RYR2: variants seen among roughly 807,000 people sequenced by gnomAD.
RYR2 encodes the protein cardiac muscle ryanodine receptor-calcium release channel.
RYR2 carries 227 observed loss-of-function variants against 601.1 expected under a neutral mutation model. The ratio of observed to expected loss-of-function variants is 0.38; its 90% confidence interval spans 0.34 to 0.42. RYR2 has a LOEUF of 0.42. Among genes scored for constraint, RYR2 ranks in the 10% least tolerant of loss-of-function variants. The probability of loss-of-function intolerance (pLI) is 1.00; values close to 1 mark genes in which losing one functional copy is unlikely to be tolerated. For synonymous variants in RYR2, 2,223 were observed against 2,175.1 expected, an observed-to-expected ratio of 1.02 and a Z score of -0.61; for missense variants, 4,646 against 6,156.5, an observed-to-expected ratio of 0.75 and a Z score of 8.21.
chr1:237,202,980 C>T (rs1390191009), intron 1 of RYR2, among the ~76,000 whole-genome samples: 1 of 152,146 alleles, frequency 6.6e-6, no homozygotes, highest in Non-Finnish European at 1.5e-5. Flanking sequence ...GAAAAGATAA[C>T]CTGTTTGCCA....
intron 74 of RYR2, among the ~76,000 whole-genome samples, chr1:237,723,941 A>C (rs1689969324): frequency 6.6e-6 from 1 of 151,990 alleles, no homozygotes; most frequent in Non-Finnish European, 1.5e-5. Context: ...TTTACAGAAG[A>C]GATCATCTGG....
At chr1:237,770,981 C>A in intron 85 of RYR2, 94 bp downstream of exon 85, 1 of 665,210 alleles carries the variant, frequency 1.5e-6, no homozygotes, top group Non-Finnish European at 2.5e-6. Context: ...AATTATGCAT[C>A]GTTCTAGAGA....
chr1:237,118,664 G>T (rs1004969226), intron 1 of RYR2, among the ~76,000 whole-genome samples: 1 of 151,992 alleles, frequency 6.6e-6, no homozygotes, highest in Admixed American at 6.6e-5. Context: ...GAGTGCAGTG[G>T]CATGATTTGG....
Position 237,445,381 on chromosome 1 carries a change from T to G in RYR2, c.1171-20T>G. ...AAAAGAGACGTTGGGAGTAATGGCC[T>G]TATTTTTGCTTTCTTACAGGCTATT... On this transcript the variant is annotated intron_variant, in intron 13 of 104. Transcript: ENST00000366574. The G allele has an allele frequency of 1.2e-6, 2 of 1,612,530 alleles. No individual in the cohort carries two copies. The highest frequency in any genetic ancestry group is 1.7e-6 in the Non-Finnish European group (2 of 1,179,064).
intron 3 of RYR2, among the ~76,000 whole-genome samples, chr1:237,353,982 T>G (rs1558671804): frequency 6.6e-6 from 1 of 152,234 alleles, no homozygotes; most frequent in Non-Finnish European, 1.5e-5. Context: ...TTGCAGGAAT[T>G]TAAATGATTC....
chr1:237,048,653 G>A (rs970112856), intron 1 of RYR2, among the ~76,000 whole-genome samples: 1 of 151,982 alleles, frequency 6.6e-6, no homozygotes, highest in Admixed American at 6.5e-5. Flanking sequence ...ACCTTTCTCC[G>A]ACCATTTATC....
chr1:237,769,664 C>G (rs1414751499), intron 84 of RYR2, among the ~76,000 whole-genome samples: 1 of 151,818 alleles, frequency 6.6e-6, no homozygotes, highest in African/African-American at 2.4e-5. Context: ...CATAATTTCA[C>G]TTAAAGTAAA....
In RYR2 at chr1:237,809,040, G is replaced by C. The variant is rs753881978; in HGVS notation, c.14433+5G>C. ...AAATGTGACGATATGCTAACAGTAA[G>C]TTCATAACCTTTGATCTCACATAAA... On this transcript the variant is annotated splice_donor_5th_base_variant and intron_variant, in intron 100 of 104. Coordinates refer to ENST00000366574, the MANE Select transcript of RYR2 (RefSeq NM_001035.3). 1 of 1,611,610 alleles carries C rather than the reference G, an allele frequency of 6.2e-7. No individual in the cohort carries two copies. The highest frequency in any genetic ancestry group is 1.3e-5 in the African/African-American group (1 of 74,974).
intron 10 of RYR2, among the ~76,000 whole-genome samples, chr1:237,411,921 C>T (rs1452315566): frequency 6.6e-6 from 1 of 152,096 alleles, no homozygotes; most frequent in African/African-American, 2.4e-5. Context: ...TTACAATGTG[C>T]AATCTTTCAT....
At position 237,660,079 on chromosome 1, in the gene RYR2, G is replaced by A. The variant is rs773129405; in HGVS notation, c.8298+5G>A. Reference sequence around the variant, plus strand: ...TATAAGCTATTGTCTGAAAAGGTAAGGATTTTTTGTTTGTTTTAGTTTGTA... The same window carrying A: ...TATAAGCTATTGTCTGAAAAGGTAAAGATTTTTTGTTTGTTTTAGTTTGTA... On this transcript the variant is annotated splice_donor_5th_base_variant and intron_variant, in intron 55 of 104. Coordinates refer to ENST00000366574, the MANE Select transcript of RYR2 (RefSeq NM_001035.3). 4 of 1,476,330 alleles carry A rather than the reference G, an allele frequency of 2.7e-6. No homozygotes were observed. The East Asian group carries it at 7.6e-5, about 28-fold the overall frequency. The allele number at this position is 1,476,330 out of a possible 1,614,324, so 91.5% of individuals were successfully genotyped here. A position where few individuals can be genotyped will look rare whatever the true frequency, so the allele number is the denominator to read the frequency against.
intron 2 of RYR2, among the ~76,000 whole-genome samples, chr1:237,325,357 C>G (rs1473521944): frequency 1.4e-4 from 22 of 152,188 alleles, no homozygotes; most frequent in Admixed American, 1.4e-3. Flanking sequence ...GTTTCTACTG[C>G]TATGAATACA....
At chr1:237,540,473 G>A (rs1326927001) in intron 25 of RYR2, among the ~76,000 whole-genome samples, 3 of 151,980 alleles carry the variant, frequency 2.0e-5, no homozygotes, top group Admixed American at 6.6e-5. Flanking sequence ...TTGGGAGGCC[G>A]AGGCGGTCAG....
chr1:237,646,013 A>T (rs1682103974), intron 48 of RYR2, among the ~76,000 whole-genome samples: 1 of 149,554 alleles, frequency 6.7e-6, no homozygotes, highest in South Asian at 2.2e-4. Context: ...AGTAGCTGGG[A>T]CTACAGGCGC....
chr1:237,589,666 A>T, intron 29 of RYR2, 127 bp from the exon 30 acceptor site: 1 of 746,110 alleles, frequency 1.3e-6, no homozygotes. Flanking sequence ...CCTTTATTAC[A>T]CTACTTTTTT....
chr1:237,385,569 T>C lies in RYR2; in HGVS notation c.577-1712T>C, dbSNP rs1253056227. Among the ~76,000 whole-genome samples the C allele has an allele frequency of 2.6e-5, 4 of 152,252 alleles. No homozygotes were observed. In the East Asian group the frequency reaches 7.7e-4, roughly 29 times the overall value. ...AATTAACAAATGATGGTAATCTACTTATCATAATATTACATGAGCTTTCAC... is the reference window on the plus strand; with the variant it reads ...AATTAACAAATGATGGTAATCTACTCATCATAATATTACATGAGCTTTCAC... On this transcript the variant is annotated intron_variant, in intron 8 of 104. Coordinates refer to ENST00000366574, the MANE Select transcript of RYR2 (RefSeq NM_001035.3).
chr1:237,817,791 G>A (rs774383762), intron 100 of RYR2, among the ~76,000 whole-genome samples: 15 of 152,190 alleles, frequency 9.9e-5, no homozygotes, highest in Non-Finnish European at 1.8e-4. Context: ...GCGAAGCAGA[G>A]GAGTGTGGTG....
At chr1:237,059,407 CT>C (rs771494494) in intron 1 of RYR2, among the ~76,000 whole-genome samples, 11 of 152,190 alleles carry the variant, frequency 7.2e-5, no homozygotes, top group Admixed American at 2.0e-4. Context: ...CCCTCTTTTG[CT>C]TGTTGTTCAT....
chr1:237,633,574 G>A lies in RYR2; in HGVS notation c.6556-4G>A. ...CAGCAGCTAATGACATGCTTTATCT[G>A]TAGGAAATCACCTTTCCCAAGATGG... On this transcript the variant is annotated splice_region_variant and splice_polypyrimidine_tract_variant and intron_variant, in intron 42 of 104. Transcript: ENST00000366574. 6.2e-7 allele frequency: 1 copy of A among 1,613,840 alleles called. No individual in the cohort carries two copies. The highest frequency in any genetic ancestry group is 8.5e-7 in the Non-Finnish European group (1 of 1,179,824).
At chr1:237,640,785 T>C in intron 46 of RYR2, 112 bp from the exon 47 acceptor site, 3 of 805,768 alleles carry the variant, frequency 3.7e-6, no homozygotes, top group Non-Finnish European at 6.1e-6. Flanking sequence ...ATGAAACATA[T>C]CAGAAAAATA....
Sources: gnomAD v4.1 joint callset for allele counts (sites outside exome capture counted in the v4.1 genomes callset) on GRCh38, gnomAD v4.1.1 for gene constraint, MANE v1.5 for transcripts, NCBI Gene and HGNC (gene_info 2026-07-23, HGNC 2026-07-21) for gene names.